The following PIK3R1 variants were observed in gnomAD, a reference collection of about 807,000 sequenced individuals.
PIK3R1 encodes the protein phosphatidylinositol 3-kinase regulatory subunit alpha.
A neutral mutation model predicts 98.0 loss-of-function variants in PIK3R1; 29 were observed. The observed-to-expected ratio is 0.30, with a 90% CI of 0.22 to 0.40. The LOEUF is 0.40. PIK3R1 is among the 10% of genes least tolerant of loss of function. The pLI is 1.00. For missense variants in PIK3R1, 596 were observed against 872.7 expected (o/e 0.68, Z 3.99); for synonymous variants, 282 against 311.8 (o/e 0.90, Z 1.01).
At chr5:68,224,262 T>C (rs966648636) in intron 1 of PIK3R1, among the ~76,000 whole-genome samples, 2 of 152,264 alleles carry the variant, frequency 1.3e-5, no homozygotes, top group African/African-American at 4.8e-5. Context: ...CATTTTCATG[T>C]GAATTTATGC....
chr5:68,229,711 A>C (rs1186822014), intron 2 of PIK3R1, among the ~76,000 whole-genome samples: 1 of 152,190 alleles, frequency 6.6e-6, no homozygotes, highest in Non-Finnish European at 1.5e-5. Flanking sequence ...TCTGGCCAAG[A>C]GTACGTTCTG....
chr5:68,292,846 A>G (rs1747468452), intron 8 of PIK3R1: 3 of 852,554 alleles, frequency 3.5e-6, no homozygotes, highest in East Asian at 3.0e-5. Flanking sequence ...TGAAAGTGAT[A>G]TGCACCTGTT....
chr5:68,230,188 C>T (rs1449161933), intron 2 of PIK3R1, among the ~76,000 whole-genome samples: 1 of 152,208 alleles, frequency 6.6e-6, no homozygotes, highest in Non-Finnish European at 1.5e-5. Flanking sequence ...GAGTCTGGCT[C>T]TACTCACGCT....
intron 8 of PIK3R1, chr5:68,292,789 T>C: frequency 8.0e-7 from 1 of 1,247,890 alleles, no homozygotes; most frequent in Non-Finnish European, 1.0e-6. Flanking sequence ...GAGATTGTAA[T>C]GTTTGGTTGA....
intron 1 of PIK3R1, among the ~76,000 whole-genome samples, chr5:68,221,149 A>T (rs376233632): frequency 1.7e-4 from 26 of 152,370 alleles, no homozygotes; most frequent in African/African-American, 6.0e-4. Context: ...TGCTAGTGCC[A>T]TGCTCTTGGA....
rs1744275985 is a variant in PIK3R1, at chr5:68,226,339, A to C, written c.-337A>C. Reference sequence around the variant, plus strand: ...CGGTACAATCAGACGACAGATGGACAGTGTGACAAAAGTGTCAGAAAGGAT... The same window carrying C: ...CGGTACAATCAGACGACAGATGGACCGTGTGACAAAAGTGTCAGAAAGGAT... On this transcript the variant is annotated 5_prime_UTR_variant, in exon 2 of 16. Transcript: ENST00000521381. 1 of 438,930 alleles carries C rather than the reference A, an allele frequency of 2.3e-6. No individual in the cohort carries two copies. Among genetic ancestry groups the C allele is most frequent in the Admixed American group, 3.8e-5 (1 of 26,446 alleles). The allele number at this position is 438,930 out of a possible 1,614,324, so 27.2% of individuals were successfully genotyped here.
At chr5:68,247,103 A>G (rs1745128728) in intron 2 of PIK3R1, among the ~76,000 whole-genome samples, 1 of 152,170 alleles carries the variant, frequency 6.6e-6, no homozygotes, top group Non-Finnish European at 1.5e-5. Flanking sequence ...GTGCTTTTGG[A>G]TAAGGGGCTT....
At chr5:68,278,393 T>C (rs555945824) in intron 4 of PIK3R1, among the ~76,000 whole-genome samples, 2 of 152,304 alleles carry the variant, frequency 1.3e-5, no homozygotes, top group Middle Eastern at 6.8e-3. Flanking sequence ...TACTGTTGAA[T>C]CCATCACTCT....
chr5:68,230,320 A>G (rs74409874), intron 2 of PIK3R1, among the ~76,000 whole-genome samples: 2,147 of 152,308 alleles, frequency 0.014, 43 homozygotes, highest in African/African-American at 0.049. Flanking sequence ...TAAGCTCCAT[A>G]AGGGGAGAGA....
chr5:68,295,648 AAAAG>A (rs1299208236), intron 14 of PIK3R1, 160 bp downstream of exon 14: 3 of 655,178 alleles, frequency 4.6e-6, no homozygotes, highest in South Asian at 3.8e-5. Context: ...GAATTTTAAA[AAAAG>A]AAAGCTTAGC....
At chr5:68,273,594 C>A in intron 3 of PIK3R1, 112 bp downstream of exon 3, 2 of 915,668 alleles carry the variant, frequency 2.2e-6, no homozygotes, top group South Asian at 1.4e-5. Flanking sequence ...CAGCTATGTC[C>A]AGATACTCTG....
chr5:68,246,697 C>T (rs1561268862), intron 2 of PIK3R1, among the ~76,000 whole-genome samples: 4 of 152,186 alleles, frequency 2.6e-5, no homozygotes, highest in Admixed American at 1.3e-4. Context: ...GATCTTGGCT[C>T]ACTGCAAGCT....
chr5:68,295,527 T>A, intron 14 of PIK3R1, 39 bp downstream of exon 14: 3 of 1,567,406 alleles, frequency 1.9e-6, no homozygotes, highest in Non-Finnish European at 1.8e-6. Context: ...AGAAGATTTT[T>A]CTCATTTTAG....
At chr5:68,244,996 A>G (rs1745028345) in intron 2 of PIK3R1, among the ~76,000 whole-genome samples, 1 of 152,254 alleles carries the variant, frequency 6.6e-6, no homozygotes, top group Non-Finnish European at 1.5e-5. Context: ...GCACTCATAC[A>G]GTTAAATGCC....
chr5:68,258,019 A>T (rs922614844), intron 2 of PIK3R1, among the ~76,000 whole-genome samples: 1 of 152,188 alleles, frequency 6.6e-6, no homozygotes, highest in South Asian at 2.1e-4. Flanking sequence ...TCCAAACTGG[A>T]AGCAGATATT....
rs186310665 is a variant in PIK3R1 at position 68,279,757 on chromosome 5, C to T, written c.634+24C>T. The T allele has an allele frequency of 6.1e-5, 98 of 1,611,010 alleles. No homozygotes were observed. The African/African-American group carries it at 1.2e-3, about 20-fold the overall frequency. ...AGGTTTGTTTTTTCTCTTCTGGGAA[C>T]CTCATTGAACATACATGGAGATGTA... On this transcript the variant is annotated intron_variant, in intron 5 of 15. Coordinates refer to ENST00000521381, the MANE Select transcript of PIK3R1 (RefSeq NM_181523.3).
Position 68,293,370 on chromosome 5 carries a change from T to C in PIK3R1, c.1186T>C (p.Leu396=). ...TGGGAAATATGGCTTCTCTGACCCA[T>C]TAACCTTCAGTTCTGTGGTTGAATT... The part of the protein sequence containing the change: ...RDGKYGFSDP[L]TFSSVVELIN... Residue 396 remains leucine (L), a synonymous_variant, in exon 10 of 16, where the codon TTA becomes CTA. Coordinates refer to ENST00000521381, the MANE Select transcript of PIK3R1 (RefSeq NM_181523.3). 6 of 1,613,536 alleles carry C rather than the reference T, an allele frequency of 3.7e-6. No individual in the cohort carries two copies. Among genetic ancestry groups the C allele is most frequent in the Non-Finnish European group, 5.1e-6 (6 of 1,179,538 alleles).
rs182172182 is a variant in PIK3R1, at chr5:68,300,698, G to A, written c.*3097G>A. On this transcript the variant is annotated 3_prime_UTR_variant, in exon 16 of 16. Coordinates refer to ENST00000521381, the MANE Select transcript of PIK3R1 (RefSeq NM_181523.3). ...AAAACAGATCCACAGTAGTTGTTGA[G>A]TTCAAGTACATAAAGTACATAACAA... The A allele has an allele frequency of 3.4e-5, 8 of 233,266 alleles. No individual in the cohort carries two copies. The highest frequency in any genetic ancestry group is 2.2e-4 in the Admixed American group (4 of 17,794). The allele number at this position is 233,266 out of a possible 1,614,324, so 14.4% of individuals were successfully genotyped here.
Position 68,297,497 on chromosome 5 carries a change from C to T in PIK3R1, c.2071C>T (p.Leu691=), listed in dbSNP as rs2112291830. ...CGAGCCCTATAACTTGTACAGCTCT[C>T]TGAAAGAACTGGTGCTACATTACCA... ...FAEPYNLYSS[L]KELVLHYQHT... Residue 691 remains leucine (L), a synonymous_variant, in exon 16 of 16, where the codon CTG becomes TTG. Transcript: ENST00000521381. 6.2e-7 allele frequency: 1 copy of T among 1,614,194 alleles called. No individual in the cohort carries two copies. Among genetic ancestry groups the T allele is most frequent in the Non-Finnish European group, 8.5e-7 (1 of 1,179,998 alleles).
Sources: gnomAD v4.1 joint callset for allele counts (sites outside exome capture counted in the v4.1 genomes callset) on GRCh38, gnomAD v4.1.1 for gene constraint, MANE v1.5 for transcripts, NCBI Gene and HGNC (gene_info 2026-07-23, HGNC 2026-07-21) for gene names.